KCNMB3: variants seen among roughly 807,000 people sequenced by gnomAD.
KCNMB3 encodes the protein calcium-activated potassium channel subunit beta-3.
Under a neutral mutation model 11.9 loss-of-function variants are expected in KCNMB3, and 18 were observed. That is an observed-to-expected ratio of 1.51 (90% confidence interval 1.04 to 2.23). The LOEUF is 2.23. KCNMB3 is among the 30% of genes most tolerant of loss of function. KCNMB3 has a pLI of 0.00. For synonymous variants in KCNMB3, 78 were observed against 119.2 expected, an observed-to-expected ratio of 0.65 and a Z score of 2.25; for missense variants, 247 against 329.4, an observed-to-expected ratio of 0.75 and a Z score of 1.94.
intron 1 of KCNMB3, among the ~76,000 whole-genome samples, chr3:179,264,150 G>T (rs768133024): frequency 2.0e-5 from 3 of 152,004 alleles, no homozygotes; most frequent in Non-Finnish European, 4.4e-5. Flanking sequence ...TATGATTTGA[G>T]ATTTTTTTGT....
chr3:179,239,945 C>T (rs1725408064), downstream of KCNMB3: 1 of 1,115,910 alleles, frequency 9.0e-7, no homozygotes, highest in South Asian at 1.4e-5. Context: ...AAATTTAAGA[C>T]CTCTTCCCAG....
At chr3:179,246,411 CAA>C (rs765985867) in intron 1 of KCNMB3, among the ~76,000 whole-genome samples, 2 of 141,356 alleles carry the variant, frequency 1.4e-5, no homozygotes, top group Admixed American at 7.0e-5. Context: ...GACTCTGTCC[CAA>C]AAAAAAAAAA....
At chr3:179,260,536 C>A in intron 1 of KCNMB3, 1 of 1,600,680 alleles carries the variant, frequency 6.2e-7, no homozygotes, top group South Asian at 1.1e-5. Context: ...TTCTTCACCT[C>A]CACCTCACTG....
At chr3:179,252,575 C>A (rs1376835837), upstream of KCNMB3, among the ~76,000 whole-genome samples, 7 of 152,208 alleles carry the variant, frequency 4.6e-5, no homozygotes, top group African/African-American at 1.4e-4. Flanking sequence ...GAAGCACCAA[C>A]CTCAGAAGGT....
At chr3:179,251,398 G>A, upstream of KCNMB3, 1 of 1,426,440 alleles carries the variant, frequency 7.0e-7, no homozygotes, top group East Asian at 2.5e-5. Context: ...ATATTCACCT[G>A]TTGGAAAGGC....
chr3:179,264,891 T>G (rs1207723101), intron 1 of KCNMB3, among the ~76,000 whole-genome samples: 3 of 152,244 alleles, frequency 2.0e-5, no homozygotes, highest in Non-Finnish European at 4.4e-5. Flanking sequence ...TTTACTCTTC[T>G]ATTTTTTAAT....
chr3:179,256,624 T>C (rs1229349674), intron 1 of KCNMB3, among the ~76,000 whole-genome samples: 1 of 152,028 alleles, frequency 6.6e-6, no homozygotes. Flanking sequence ...AGTTCAAATA[T>C]GCATGCTAAA....
At chr3:179,264,587 C>G (rs186650079) in intron 1 of KCNMB3, among the ~76,000 whole-genome samples, 1 of 152,172 alleles carries the variant, frequency 6.6e-6, no homozygotes, top group Non-Finnish European at 1.5e-5. Flanking sequence ...AGCCCAAGTA[C>G]GACACATGGC....
downstream of KCNMB3, chr3:179,240,319 T>C (rs1261981405): frequency 5.1e-6 from 2 of 392,236 alleles, no homozygotes; most frequent in East Asian, 4.3e-5. Flanking sequence ...ATTAAAGGAA[T>C]GTATGTTTAA....
chr3:179,261,350 C>A, intron 1 of KCNMB3: 1 of 1,161,770 alleles, frequency 8.6e-7, no homozygotes. Flanking sequence ...CGGGCCGGGC[C>A]AGGGGGCGCG....
chr3:179,258,644 G>A (rs1427632789), intron 1 of KCNMB3, among the ~76,000 whole-genome samples: 1 of 152,078 alleles, frequency 6.6e-6, no homozygotes, highest in Non-Finnish European at 1.5e-5. Context: ...ATGCTATTTG[G>A]TCATTTCAAT....
rs1726118259 is a variant in KCNMB3, at chr3:179,259,134, T to C, written c.62+7515A>G. The C allele has an allele frequency of 1.9e-6, 3 of 1,577,928 alleles. No individual in the cohort carries two copies. In the Admixed American group the frequency reaches 5.6e-5, roughly 29 times the overall value. ...TCCTCCTGGTGCCAACAAGTCATGGTTTTTTAGGCTATTGCTGTCTAAAGC... is the reference window on the plus strand; with the variant it reads ...TCCTCCTGGTGCCAACAAGTCATGGCTTTTTAGGCTATTGCTGTCTAAAGC... On this transcript the variant is annotated intron_variant, in intron 1 of 3. Coordinates refer to the KCNMB3 transcript ENST00000349697.
chr3:179,265,200 T>C (rs1726339342), intron 1 of KCNMB3, among the ~76,000 whole-genome samples: 1 of 152,210 alleles, frequency 6.6e-6, no homozygotes, highest in Non-Finnish European at 1.5e-5. Flanking sequence ...GAAGAACACC[T>C]TTCTTTCCTC....
chr3:179,245,517 G>GC (rs1397564566), intron 1 of KCNMB3, among the ~76,000 whole-genome samples: 4 of 149,744 alleles, frequency 2.7e-5, no homozygotes. Flanking sequence ...ATTTTTTTGG[G>GC]GGGGGGGATG....
intron 1 of KCNMB3, chr3:179,260,759 C>T: frequency 1.4e-6 from 2 of 1,436,160 alleles, no homozygotes; most frequent in Non-Finnish European, 2.0e-6. Flanking sequence ...CTGCAGTATA[C>T]TGTGGGCGTG....
At chr3:179,266,897 C>T in exon 1 of KCNMB3, 9 of 1,421,090 alleles carry the variant, frequency 6.3e-6, no homozygotes, top group Non-Finnish European at 6.4e-6. Flanking sequence ...AGGCTAGCCA[C>T]GTGGTTCTGC....
At chr3:179,251,782 G>A (rs1725854105), upstream of KCNMB3, 1 of 244,614 alleles carries the variant, frequency 4.1e-6, no homozygotes, top group Non-Finnish European at 6.5e-6. Context: ...GGCTGGGTAC[G>A]ATCTCAGTTC....
At chr3:179,266,543 G>A in intron 1 of KCNMB3, 2 of 1,342,704 alleles carry the variant, frequency 1.5e-6, no homozygotes, top group Non-Finnish European at 2.1e-6. Context: ...GGCATCCTCA[G>A]AGAAAAAGGA....
chr3:179,259,215 G>C, intron 1 of KCNMB3: 1 of 1,538,440 alleles, frequency 6.5e-7, no homozygotes, highest in Non-Finnish European at 8.7e-7. Flanking sequence ...TGTACTTTCT[G>C]CTTCACAGGC....
Sources: allele counts gnomAD v4.1 joint callset (sites outside exome capture counted in the v4.1 genomes callset), GRCh38; gene constraint gnomAD v4.1.1; transcripts MANE v1.5; gene names NCBI Gene and HGNC (gene_info 2026-07-23, HGNC 2026-07-21).